TRPM6: variants seen among roughly 807,000 people sequenced by gnomAD.
TRPM6 encodes the protein channel kinase 2.
TRPM6 carries 111 observed loss-of-function variants against 247.6 expected under a neutral mutation model. The ratio of observed to expected loss-of-function variants is 0.45; its 90% CI spans 0.38 to 0.52. The LOEUF is 0.52. Ranked by LOEUF, TRPM6 falls within the 20% of genes least tolerant of loss-of-function variation. TRPM6 has a pLI of 0.00. For missense variants in TRPM6, 2,126 were observed against 2,421.5 expected (o/e 0.88, Z 2.56); for synonymous variants, 892 against 853.8 (o/e 1.04, Z -0.78).
chr9:74,861,773 T>C (rs1030265602), intron 1 of TRPM6, among the ~76,000 whole-genome samples: 1 of 152,120 alleles, frequency 6.6e-6, no homozygotes. Flanking sequence ...GAACTTAACT[T>C]TGATGTATTT....
chr9:74,753,707 C>T (rs991793927), intron 28 of TRPM6, among the ~76,000 whole-genome samples: 1 of 152,092 alleles, frequency 6.6e-6, no homozygotes, highest in African/African-American at 2.4e-5. Flanking sequence ...AAAATAAAAA[C>T]AGAGAGAGAG....
intron 7 of TRPM6, chr9:74,826,726 CTT>C (rs67974213): frequency 0.34 from 39,379 of 114,902 alleles, 5,650 homozygotes; most frequent in East Asian, 0.62. Flanking sequence ...ATTTCTTTTT[CTT>C]TTTCTTTCTT....
At chr9:74,735,407 T>C (rs1000742401) in intron 36 of TRPM6, among the ~76,000 whole-genome samples, 3 of 152,060 alleles carry the variant, frequency 2.0e-5, no homozygotes, top group Non-Finnish European at 4.4e-5. Context: ...ATCCCAACCA[T>C]CATTGAGTAC....
At chr9:74,824,155 A>T (rs1272976347) in intron 7 of TRPM6, among the ~76,000 whole-genome samples, 1 of 147,964 alleles carries the variant, frequency 6.8e-6, no homozygotes, top group Non-Finnish European at 1.5e-5. Context: ...TCTGTTAGGT[A>T]CACTTTTTTT....
At chr9:74,853,486 T>C (rs185455056) in intron 3 of TRPM6, among the ~76,000 whole-genome samples, 1 of 152,206 alleles carries the variant, frequency 6.6e-6, no homozygotes. Context: ...TAAGTAGACA[T>C]AGGAGACTCC....
At chr9:74,800,717 T>C (rs1367201044) in intron 16 of TRPM6, among the ~76,000 whole-genome samples, 2 of 151,766 alleles carry the variant, frequency 1.3e-5, no homozygotes, top group African/African-American at 4.8e-5. Context: ...AAGGGATTTT[T>C]CTCCCTTTCC....
At chr9:74,803,386 T>C (rs972157780) in intron 15 of TRPM6, among the ~76,000 whole-genome samples, 1 of 151,824 alleles carries the variant, frequency 6.6e-6, no homozygotes, top group South Asian at 2.1e-4. Flanking sequence ...AAGGAAAAAA[T>C]TTTTAAAAAA....
At position 74,762,755 on chromosome 9, in the gene TRPM6, T is replaced by C. The variant is rs1826693401; in HGVS notation, c.3916A>G (p.Ser1306Gly). The change falls in exon 26 of 39, where the codon AGT becomes GGT. Residue 1306 changes from serine to glycine, a missense_variant. This residue lies in a region of TRPM6 where 717 missense variants were observed against 715.9 expected (regional missense o/e 1.00). Coordinates refer to ENST00000360774, the MANE Select transcript of TRPM6 (RefSeq NM_017662.5). ...QRGALLEITN[S>G]KREATNVRND... ...CTTACATTTGTAGCCTCTCTTTTACTGTTTGTAATCTCAAGAAGTGCCCCC... is the reference window on the plus strand; with the variant it reads ...CTTACATTTGTAGCCTCTCTTTTACCGTTTGTAATCTCAAGAAGTGCCCCC... 6.2e-7 allele frequency: 1 copy of C among 1,614,060 alleles called. No homozygotes were observed. The highest frequency in any genetic ancestry group is 8.5e-7 in the Non-Finnish European group (1 of 1,180,046).
At position 74,809,996 on chromosome 9, in the gene TRPM6, A is replaced by C. The variant is rs908196008; in HGVS notation, c.1497+819T>G. Among the ~76,000 whole-genome samples the C allele has an allele frequency of 4.0e-5, 6 of 150,840 alleles. No homozygotes were observed. The East Asian group carries it at 5.8e-4, about 15-fold the overall frequency. On this transcript the variant is annotated intron_variant, in intron 13 of 38. Transcript: ENST00000360774. ...CATCTCAAAAAAAAAAAAAAAAAAAAAAAAAACAAGGATATGTCTTCCTTT... is the reference window on the plus strand; with the variant it reads ...CATCTCAAAAAAAAAAAAAAAAAAACAAAAAACAAGGATATGTCTTCCTTT...
intron 23 of TRPM6, 70 bp downstream of exon 23, chr9:74,782,292 A>C: frequency 2.6e-6 from 3 of 1,145,812 alleles, no homozygotes; most frequent in Non-Finnish European, 3.9e-6. Flanking sequence ...CTCAAAGTAC[A>C]TGTGAATCTA....
chr9:74,731,706 T>A (rs914363901), intron 37 of TRPM6, among the ~76,000 whole-genome samples: 16 of 148,062 alleles, frequency 1.1e-4, no homozygotes, highest in African/African-American at 3.7e-4. Flanking sequence ...ATATAATATA[T>A]ATAATATATA....
At chr9:74,785,746 A>T (rs543251524) in intron 21 of TRPM6, 128 bp downstream of exon 21, 4 of 1,012,954 alleles carry the variant, frequency 3.9e-6, no homozygotes, top group East Asian at 2.4e-5. Context: ...GATGTTCTTG[A>T]TCTCCTGACC....
intron 7 of TRPM6, among the ~76,000 whole-genome samples, chr9:74,825,779 TG>T (rs1227622986): frequency 6.6e-6 from 1 of 152,074 alleles, no homozygotes; most frequent in East Asian, 1.9e-4. Context: ...GCAATTTAGG[TG>T]GTGGGCAAAG....
rs137857078 is a variant in TRPM6, at chr9:74,816,960, G to A, written c.1139C>T (p.Thr380Ile). Reference protein sequence around the residue: ...MECMVHRDCITIFDADSEEQQ... With the variant: ...MECMVHRDCIIIFDADSEEQQ... ...CTCTTCAGAGTCAGCATCAAATATG[G>A]TAATCTACAACAGTGAAAAACAGAG... is the stretch of plus-strand genomic sequence containing the variant. The change falls in exon 10 of 39, where the codon ACC becomes ATC. Residue 380 changes from threonine to isoleucine, a missense_variant. Thr to Ile is a moderately conservative substitution (Grantham distance 89). This residue lies in a region of TRPM6 where 1,082 missense variants were observed against 1,307.9 expected (regional missense o/e 0.83). Coordinates refer to ENST00000360774, the MANE Select transcript of TRPM6 (RefSeq NM_017662.5). The A allele has an allele frequency of 6.2e-6, 10 of 1,613,738 alleles. No homozygotes were observed. Among genetic ancestry groups the A allele is most frequent in the Non-Finnish European group, 7.6e-6 (9 of 1,179,784 alleles).
intron 1 of TRPM6, among the ~76,000 whole-genome samples, chr9:74,867,639 C>G (rs1015771202): frequency 2.0e-5 from 3 of 152,148 alleles, no homozygotes; most frequent in African/African-American, 7.2e-5. Flanking sequence ...TTACAGCCAA[C>G]TTTAATGCCT....
chr9:74,838,502 A>T (rs941661835), intron 5 of TRPM6, among the ~76,000 whole-genome samples: 1 of 152,196 alleles, frequency 6.6e-6, no homozygotes, highest in African/African-American at 2.4e-5. Context: ...GAACTTTGTT[A>T]TGTCAGTACA....
chr9:74,869,248 A>T (rs537664322), intron 1 of TRPM6, among the ~76,000 whole-genome samples: 1 of 152,208 alleles, frequency 6.6e-6, no homozygotes, highest in East Asian at 1.9e-4. Context: ...AGGCAGGCAG[A>T]TCACAAGGTC....
At chr9:74,772,762 C>T (rs1340174658) in intron 24 of TRPM6, among the ~76,000 whole-genome samples, 1 of 152,144 alleles carries the variant, frequency 6.6e-6, no homozygotes, top group Admixed American at 6.5e-5. Flanking sequence ...AATCCCAGCA[C>T]TTTGGGAGGC....
At chr9:74,850,801 G>C (rs1027021266) in intron 3 of TRPM6, among the ~76,000 whole-genome samples, 4 of 152,126 alleles carry the variant, frequency 2.6e-5, no homozygotes, top group African/African-American at 9.7e-5. Context: ...TAATGTAAAG[G>C]GAGGCACAGT....
Sources: allele counts gnomAD v4.1 joint callset (sites outside exome capture counted in the v4.1 genomes callset), GRCh38; gene constraint gnomAD v4.1.1; regional missense constraint gnomAD v4.1.1; transcripts MANE v1.5; gene names NCBI Gene and HGNC (gene_info 2026-07-23, HGNC 2026-07-21).